Variants in MERTK observed in about 807,000 individuals in gnomAD.
MERTK encodes the protein tyrosine-protein kinase Mer.
A neutral mutation model predicts 99.3 loss-of-function variants in MERTK; 69 were observed. That is an observed-to-expected ratio of 0.70 (90% CI 0.57 to 0.85). The LOEUF (loss-of-function observed/expected upper bound fraction) is 0.85. Among genes scored for constraint, MERTK ranks in the 40% least tolerant of loss-of-function variants. The probability of loss-of-function intolerance (pLI) is 0.00; values close to 1 mark genes in which losing one functional copy is unlikely to be tolerated. For synonymous variants in MERTK, 426 were observed against 467.6 expected, an observed-to-expected ratio of 0.91 and a Z score of 1.15; for missense variants, 1,125 against 1,249.4, an observed-to-expected ratio of 0.90 and a Z score of 1.50.
At chr2:111,986,683 C>T (rs10207726) in intron 8 of MERTK, among the ~76,000 whole-genome samples, 47,980 of 152,104 alleles carry the variant, frequency 0.32, 7,920 homozygotes, top group Admixed American at 0.35. Flanking sequence ...TTGTTCAGAA[C>T]GGTCCCCTCT....
At chr2:111,941,472 C>A (rs955694673) in intron 2 of MERTK, among the ~76,000 whole-genome samples, 2 of 152,158 alleles carry the variant, frequency 1.3e-5, no homozygotes, top group Admixed American at 1.3e-4. Flanking sequence ...TCCCCCCTTC[C>A]GCATCCACTC....
Position 111,925,292 on chromosome 2 carries a change from A to ATTTTTTTTT in MERTK, c.62-3810_62-3802dup, listed in dbSNP as rs11433691. Among the ~76,000 whole-genome samples, 7 of 24,496 alleles carry ATTTTTTTTT rather than the reference A, an allele frequency of 2.9e-4. 1 individual carries two copies. The highest frequency in any genetic ancestry group is 3.2e-3 in the East Asian group (2 of 622). The allele number at this position is 24,496 out of a possible 152,430, so 16.1% of individuals were successfully genotyped here. A position where few individuals can be genotyped will look rare whatever the true frequency, so the allele number is the denominator to read the frequency against. On this transcript the variant is annotated intron_variant, in intron 1 of 18. Transcript: ENST00000295408. The stretch of plus-strand genomic sequence containing the variant: ...ACAGATCAGATATATATATATATAT[A>ATTTTTTTTT]TTTTTTTTTTTTTTTTTTTTTTTTT...
rs1013873473 is a variant in MERTK, at chr2:111,962,226, G to A, written c.758-2965G>A. 2.0e-5 allele frequency among the ~76,000 whole-genome samples: 3 copies of A among 152,302 alleles called. No homozygotes were observed. In the Middle Eastern group the frequency reaches 0.01, roughly 518 times the overall value. On this transcript the variant is annotated intron_variant, in intron 4 of 18. Transcript: ENST00000295408. ...TGTAATTCTAAAAAATAACCATTCAGGTCGGGTGTGGTGGCTCACACCTGT... is the reference window on the plus strand; with the variant it reads ...TGTAATTCTAAAAAATAACCATTCAAGTCGGGTGTGGTGGCTCACACCTGT...
Position 111,941,929 on chromosome 2 carries a change from G to A in MERTK, c.483-3031G>A, listed in dbSNP as rs148413154. Among the ~76,000 whole-genome samples the A allele has an allele frequency of 2.9e-3, 439 of 152,244 alleles. 3 individuals are homozygous for A. The highest frequency in any genetic ancestry group is 6.4e-3 in the African/African-American group (264 of 41,544). ...CTTAAGGTTCTCCTGGGCATCTTAC[G>A]CAGTCTGATTTCTACAGTCCAGGGT... is the stretch of plus-strand genomic sequence containing the variant. On this transcript the variant is annotated intron_variant, in intron 2 of 18. Transcript: ENST00000295408.
chr2:111,968,179 C>T lies in MERTK; in HGVS notation c.887C>T (p.Thr296Ile), dbSNP rs754002130. 2 of 1,614,064 alleles carry T rather than the reference C, an allele frequency of 1.2e-6. No individual in the cohort carries two copies. Among genetic ancestry groups the T allele is most frequent in the South Asian group, 2.2e-5 (2 of 91,072 alleles). ...ACTGAAGTCAGCATCCGTAACAGCA[C>T]TGCACACAGCATTCTGATCTCCTGG... Reference protein sequence around the residue: ...PPTEVSIRNSTAHSILISWVP... With the variant: ...PPTEVSIRNSIAHSILISWVP... Residue 296 changes from threonine (T) to isoleucine (I), a missense_variant, in exon 6 of 19, where the codon ACT (threonine) becomes ATT (isoleucine). Physicochemically the swap from Thr to Ile is moderately conservative, Grantham distance 89. Coordinates refer to ENST00000295408, the MANE Select transcript of MERTK (RefSeq NM_006343.3).
At chr2:112,010,597 C>T (rs894990313) in intron 15 of MERTK, among the ~76,000 whole-genome samples, 1 of 152,192 alleles carries the variant, frequency 6.6e-6, no homozygotes, top group South Asian at 2.1e-4. Context: ...GCTGTAGAGG[C>T]AGTTACGGAT....
At chr2:111,929,024 C>T (rs1684619307) in intron 1 of MERTK, 96 bp from the exon 2 acceptor site, 7 of 1,270,704 alleles carry the variant, frequency 5.5e-6, no homozygotes, top group Non-Finnish European at 8.0e-6. Flanking sequence ...ACAGAGGACA[C>T]CCCAGTGCTC....
At chr2:111,986,815 T>G (rs1676486531) in intron 8 of MERTK, among the ~76,000 whole-genome samples, 2 of 152,350 alleles carry the variant, frequency 1.3e-5, no homozygotes, top group East Asian at 3.9e-4. Flanking sequence ...TTATGCATCA[T>G]GACAGTCTTG....
intron 7 of MERTK, among the ~76,000 whole-genome samples, chr2:111,977,571 T>C (rs1462925091): frequency 1.3e-5 from 2 of 152,192 alleles, no homozygotes; most frequent in Non-Finnish European, 2.9e-5. Context: ...TTATTGAACT[T>C]CTGGGGTCTC....
rs574911523 is a variant in MERTK, at chr2:111,909,050, A to T, written c.61+10254A>T. Among the ~76,000 whole-genome samples the T allele has an allele frequency of 1.6e-3, 245 of 152,356 alleles. 1 individual carries two copies. Among genetic ancestry groups the T allele is most frequent in the Non-Finnish European group, 2.7e-3 (184 of 68,036 alleles). On this transcript the variant is annotated intron_variant, in intron 1 of 18. Transcript: ENST00000295408. ...CTTAACATCACTAATCATCAGGGAGATGTAAACCAAAATTACAACCTGGTT... is the reference window on the plus strand; with the variant it reads ...CTTAACATCACTAATCATCAGGGAGTTGTAAACCAAAATTACAACCTGGTT...
At chr2:112,014,458 C>T (rs112307393) in intron 15 of MERTK, among the ~76,000 whole-genome samples, 17 of 152,230 alleles carry the variant, frequency 1.1e-4, no homozygotes, top group Non-Finnish European at 2.2e-4. Context: ...GCCACCGTGC[C>T]TAGCTGTTAC....
At chr2:111,963,393 G>A (rs567607593) in intron 4 of MERTK, among the ~76,000 whole-genome samples, 28 of 152,316 alleles carry the variant, frequency 1.8e-4, no homozygotes, top group African/African-American at 5.1e-4. Context: ...GATCCTTTAC[G>A]GGTGTCGGGC....
intron 6 of MERTK, among the ~76,000 whole-genome samples, chr2:111,973,215 A>G (rs956177078): frequency 1.3e-5 from 2 of 152,176 alleles, no homozygotes; most frequent in African/African-American, 4.8e-5. Flanking sequence ...TGAGCCTGGA[A>G]GTGCTCCCCA....
chr2:111,994,653 C>T lies in MERTK; in HGVS notation c.1450+249C>T, dbSNP rs189402120. ...AATTTGCTGGGCATGGTGGATCATG[C>T]CTGTTGTCCCAGCTACTTGGGAGGC... On this transcript the variant is annotated intron_variant, in intron 9 of 18. Transcript: ENST00000295408. The T allele has an allele frequency of 4.3e-5, 21 of 482,930 alleles. No individual in the cohort carries two copies. The East Asian group carries it at 8.7e-4, about 20-fold the overall frequency. The allele number at this position is 482,930 out of a possible 1,614,324, so 29.9% of individuals were successfully genotyped here. A position where few individuals can be genotyped will look rare whatever the true frequency, so the allele number is the denominator to read the frequency against.
intron 8 of MERTK, among the ~76,000 whole-genome samples, chr2:111,993,550 G>T (rs1189610311): frequency 6.6e-6 from 1 of 152,116 alleles, no homozygotes; most frequent in Non-Finnish European, 1.5e-5. Flanking sequence ...CATTTGAAAA[G>T]CCAGCCCAAA....
Position 112,010,037 on chromosome 2 carries a change from C to CT in MERTK, c.2053dup (p.Tyr685LeufsTer50), listed in dbSNP as rs747399140. 2.5e-6 allele frequency: 4 copies of CT among 1,613,080 alleles called. No individual in the cohort carries two copies. On this transcript the variant is annotated frameshift_variant, in exon 15 of 19. Coordinates refer to ENST00000295408, the MANE Select transcript of MERTK (RefSeq NM_006343.3). LOFTEE classifies it high-confidence loss of function. ...ATACGGGGACCTGCATACTTACTTACTTTATTCCCGATTGGAGACAGGACC... is the reference window on the plus strand; with the variant it reads ...ATACGGGGACCTGCATACTTACTTACTTTTATTCCCGATTGGAGACAGGACC...
chr2:112,010,137 A>G (rs774439503), intron 15 of MERTK, 71 bp downstream of exon 15: 60 of 1,144,954 alleles, frequency 5.2e-5, no homozygotes, highest in Non-Finnish European at 7.0e-5. Context: ...CAACCAAATC[A>G]TCTAATCTTG....
At chr2:111,919,854 A>G (rs1186483068) in intron 1 of MERTK, among the ~76,000 whole-genome samples, 1 of 149,486 alleles carries the variant, frequency 6.7e-6, no homozygotes, top group Non-Finnish European at 1.5e-5. Context: ...GGCAGTAGGA[A>G]GGTCACCCCA....
At chr2:111,923,555 G>A (rs1684503847) in intron 1 of MERTK, among the ~76,000 whole-genome samples, 1 of 152,198 alleles carries the variant, frequency 6.6e-6, no homozygotes, top group African/African-American at 2.4e-5. Flanking sequence ...ACTCGTTTAT[G>A]TGAAGTTAAA....
Sources: allele counts gnomAD v4.1 joint callset (sites outside exome capture counted in the v4.1 genomes callset), GRCh38; gene constraint gnomAD v4.1.1; transcripts MANE v1.5; gene names NCBI Gene and HGNC (gene_info 2026-07-23, HGNC 2026-07-21).